SND1: variants seen among roughly 807,000 people sequenced by gnomAD.
The protein encoded by SND1 is staphylococcal nuclease domain-containing protein 1.
Under a neutral mutation model 121.7 loss-of-function variants are expected in SND1, and 38 were observed. That is an observed-to-expected ratio of 0.31 (90% CI 0.24 to 0.41). SND1 has a LOEUF of 0.41. SND1 is among the 10% of genes least tolerant of loss of function. The pLI is 1.00. For missense variants in SND1, 868 were observed against 1,184.6 expected, an observed-to-expected ratio of 0.73 and a Z score of 3.92; for synonymous variants, 401 against 447.4, an observed-to-expected ratio of 0.90 and a Z score of 1.31.
At chr7:127,975,478 C>A (rs1802098371) in intron 15 of SND1, among the ~76,000 whole-genome samples, 1 of 151,630 alleles carries the variant, frequency 6.6e-6, no homozygotes. Context: ...TGACTCCCCT[C>A]TGCTTGCACC....
intron 16 of SND1, among the ~76,000 whole-genome samples, chr7:128,036,326 G>A (rs1792750598): frequency 6.6e-6 from 1 of 152,118 alleles, no homozygotes; most frequent in South Asian, 2.1e-4. Context: ...TATTTTTCTT[G>A]CCTGTGATCC....
At chr7:127,727,025 C>G (rs757045917) in intron 10 of SND1, among the ~76,000 whole-genome samples, 31 of 152,178 alleles carry the variant, frequency 2.0e-4, no homozygotes, top group Non-Finnish European at 4.3e-4. Flanking sequence ...GTAGTCACCC[C>G]CTGCTACCAG....
Position 127,994,549 on chromosome 7 carries a change from C to CAAAAA in SND1, c.1779+3525_1779+3529dup, listed in dbSNP as rs563548702. ...CTCTCAAATGACGATCACTTTTACT[C>CAAAAA]AAAAAAAAAAAAAAAAAAAAAAAAA... On this transcript the variant is annotated intron_variant, in intron 16 of 23. Transcript: ENST00000354725. 5.6e-4 allele frequency among the ~76,000 whole-genome samples: 26 copies of CAAAAA among 46,236 alleles called. 4 individuals are homozygous for CAAAAA. The highest frequency in any genetic ancestry group is 9.0e-4 in the Non-Finnish European group (24 of 26,584). The allele number at this position is 46,236 out of a possible 152,430, so 30.3% of individuals were successfully genotyped here.
At chr7:127,903,393 G>A (rs1421444806) in intron 13 of SND1, among the ~76,000 whole-genome samples, 2 of 152,156 alleles carry the variant, frequency 1.3e-5, no homozygotes, top group Non-Finnish European at 2.9e-5. Context: ...CAAGGAGCTT[G>A]GAAGTGCTGT....
rs141092222 is a variant in SND1, at chr7:127,744,891, C to T, written c.1152+23491C>T. Among the ~76,000 whole-genome samples, 468 of 152,312 alleles carry T rather than the reference C, an allele frequency of 3.1e-3. 1 individual carries two copies. The highest frequency in any genetic ancestry group is 0.01 in the Middle Eastern group (3 of 294). Reference sequence around the variant, plus strand: ...CTTGGAGCAAACTCTGAGATGAACACGACTGCAACTGATTATTCTAAGTAT... The same window carrying T: ...CTTGGAGCAAACTCTGAGATGAACATGACTGCAACTGATTATTCTAAGTAT... On this transcript the variant is annotated intron_variant, in intron 10 of 23. Coordinates refer to ENST00000354725, the MANE Select transcript of SND1 (RefSeq NM_014390.4).
At chr7:127,715,794 A>G (rs747973546) in intron 9 of SND1, among the ~76,000 whole-genome samples, 8 of 152,166 alleles carry the variant, frequency 5.3e-5, no homozygotes, top group East Asian at 1.9e-4. Context: ...GCCAAATCCA[A>G]TGTTGCAAAG....
intron 1 of SND1, among the ~76,000 whole-genome samples, chr7:127,678,006 A>G (rs1405619172): frequency 1.3e-5 from 2 of 152,246 alleles, no homozygotes; most frequent in African/African-American, 4.8e-5. Flanking sequence ...TGGGACAGCC[A>G]GCTCATGGAA....
chr7:127,831,958 G>A (rs1165316365), intron 11 of SND1, among the ~76,000 whole-genome samples: 1 of 152,134 alleles, frequency 6.6e-6, no homozygotes, highest in Non-Finnish European at 1.5e-5. Context: ...TCTGGATTCT[G>A]TTCCATGTTT....
intron 16 of SND1, among the ~76,000 whole-genome samples, chr7:128,021,955 G>A (rs920324939): frequency 2.6e-5 from 4 of 152,168 alleles, no homozygotes; most frequent in East Asian, 3.9e-4. Context: ...TGTAATCCCA[G>A]CACTTTGTGA....
chr7:127,742,864 A>T (rs1796910055), intron 10 of SND1, among the ~76,000 whole-genome samples: 1 of 152,168 alleles, frequency 6.6e-6, no homozygotes, highest in Admixed American at 6.5e-5. Flanking sequence ...ACACACCCCA[A>T]GTGGTGTGGG....
At chr7:127,985,932 TG>T (rs1802376890) in intron 15 of SND1, among the ~76,000 whole-genome samples, 1 of 152,220 alleles carries the variant, frequency 6.6e-6, no homozygotes, top group African/African-American at 2.4e-5. Flanking sequence ...AACTGTTTTT[TG>T]TTTCCACTTG....
intron 10 of SND1, among the ~76,000 whole-genome samples, chr7:127,745,449 G>A (rs1252785715): frequency 6.6e-6 from 1 of 152,150 alleles, no homozygotes; most frequent in East Asian, 1.9e-4. Flanking sequence ...GGAAACAAGG[G>A]ACTTGATTCA....
intron 12 of SND1, among the ~76,000 whole-genome samples, chr7:127,854,987 G>C (rs1281494934): frequency 1.3e-5 from 2 of 150,792 alleles, no homozygotes; most frequent in African/African-American, 2.4e-5. Context: ...CTCCTATTTT[G>C]GGGGTGCTTC....
At chr7:128,042,099 T>G (rs1244116841) in intron 16 of SND1, among the ~76,000 whole-genome samples, 1 of 152,140 alleles carries the variant, frequency 6.6e-6, no homozygotes, top group Non-Finnish European at 1.5e-5. Flanking sequence ...TCTTGGTGAC[T>G]AGGGCCAGTT....
chr7:127,741,208 G>T (rs935377104), intron 10 of SND1, among the ~76,000 whole-genome samples: 1 of 152,230 alleles, frequency 6.6e-6, no homozygotes, highest in South Asian at 2.1e-4. Context: ...TTATTCTCCC[G>T]TAAGAATACC....
chr7:127,744,256 G>A (rs936462465), intron 10 of SND1, among the ~76,000 whole-genome samples: 2 of 150,918 alleles, frequency 1.3e-5, no homozygotes, highest in African/African-American at 4.9e-5. Context: ...TTTCCCCCCC[G>A]TTTCTTCCAT....
chr7:127,851,228 G>C (rs941598963), intron 12 of SND1, among the ~76,000 whole-genome samples: 25 of 152,280 alleles, frequency 1.6e-4, no homozygotes, highest in African/African-American at 4.6e-4. Flanking sequence ...TATACTGTCA[G>C]TTGAGTTGAG....
At chr7:128,090,108 C>T (rs1371651806) in intron 22 of SND1, among the ~76,000 whole-genome samples, 1 of 152,112 alleles carries the variant, frequency 6.6e-6, no homozygotes, top group African/African-American at 2.4e-5. Flanking sequence ...GGAGGCAGCA[C>T]CAAAGGGCCC....
At chr7:127,804,663 C>T (rs1351605255) in intron 10 of SND1, among the ~76,000 whole-genome samples, 1 of 151,642 alleles carries the variant, frequency 6.6e-6, no homozygotes, top group Non-Finnish European at 1.5e-5. Context: ...CCTAGCTACT[C>T]AGGAGGCCGA....
Sources: allele counts gnomAD v4.1 joint callset (sites outside exome capture counted in the v4.1 genomes callset), GRCh38; gene constraint gnomAD v4.1.1; transcripts MANE v1.5; gene names NCBI Gene and HGNC (gene_info 2026-07-23, HGNC 2026-07-21).